HTR2C: variants seen among roughly 807,000 people sequenced by gnomAD.
HTR2C encodes the protein 5-hydroxytryptamine receptor 2C, also known as 5-hydroxytryptamine (serotonin) receptor 2C, G protein-coupled.
HTR2C carries 5 observed loss-of-function variants against 21.0 expected under a neutral mutation model. That is an observed-to-expected ratio of 0.24 (90% CI 0.12 to 0.50). The LOEUF is 0.50. HTR2C is among the 20% of genes least tolerant of loss of function. The pLI is 0.98. For synonymous variants in HTR2C, 150 were observed against 145.3 expected (o/e 1.03, Z -0.23); for missense variants, 271 against 371.2 (o/e 0.73, Z 2.22).
chrX:114,634,336 T>C lies in HTR2C; in HGVS notation c.-80+20455T>C, dbSNP rs1370215301. ...ATGATTAAAACTGGAGCAACAAACATTTTTCAGTTAACTTTATCCTTACAG... is the reference window on the plus strand; with the variant it reads ...ATGATTAAAACTGGAGCAACAAACACTTTTCAGTTAACTTTATCCTTACAG... On this transcript the variant is annotated intron_variant, in intron 2 of 5. Transcript: ENST00000276198. Among the ~76,000 whole-genome samples, 12 of 111,026 alleles carry C rather than the reference T, an allele frequency of 1.1e-4. No homozygotes were observed. In the East Asian group the frequency reaches 3.1e-3, roughly 29 times the overall value.
intron 5 of HTR2C, among the ~76,000 whole-genome samples, chrX:114,882,952 T>C (rs2147520659): frequency 9.1e-6 from 1 of 110,302 alleles, no homozygotes; most frequent in South Asian, 3.8e-4. Context: ...TTCTAATATC[T>C]TTAAATTTTT....
intron 2 of HTR2C, among the ~76,000 whole-genome samples, chrX:114,634,081 A>C (rs1556404853): frequency 9.1e-6 from 1 of 110,001 alleles, no homozygotes; most frequent in Non-Finnish European, 1.9e-5. Flanking sequence ...TCCATTACTT[A>C]TCTCAATAGA....
At chrX:114,674,803 G>A (rs1449628437) in intron 2 of HTR2C, among the ~76,000 whole-genome samples, 1 of 111,646 alleles carries the variant, frequency 9.0e-6, no homozygotes, top group Non-Finnish European at 1.9e-5. Flanking sequence ...ATTAAAAGCA[G>A]AGGCAGTTTT....
At chrX:114,694,062 A>C (rs1477209465) in intron 2 of HTR2C, among the ~76,000 whole-genome samples, 5 of 111,491 alleles carry the variant, frequency 4.5e-5, no homozygotes, top group Non-Finnish European at 3.8e-5. Context: ...GTTTTTCCTG[A>C]CAGTTTTAAG....
At chrX:114,747,560 A>G (rs1478470898) in intron 4 of HTR2C, among the ~76,000 whole-genome samples, 1 of 112,425 alleles carries the variant, frequency 8.9e-6, no homozygotes, top group African/African-American at 3.2e-5. Context: ...CCCTGCCACA[A>G]TGATCCCCTC....
intron 2 of HTR2C, among the ~76,000 whole-genome samples, chrX:114,704,504 C>T (rs1204512625): frequency 2.7e-5 from 3 of 111,751 alleles, no homozygotes; most frequent in Non-Finnish European, 5.6e-5. Context: ...TGACAAAATT[C>T]AACAACCTTC....
At chrX:114,838,108 C>G (rs1207724450) in intron 4 of HTR2C, among the ~76,000 whole-genome samples, 1 of 111,156 alleles carries the variant, frequency 9.0e-6, no homozygotes, top group East Asian at 2.8e-4. Flanking sequence ...TGGAAGAACT[C>G]TTGTTTTTTC....
At chrX:114,690,887 G>A (rs1932087828) in intron 2 of HTR2C, among the ~76,000 whole-genome samples, 1 of 111,075 alleles carries the variant, frequency 9.0e-6, no homozygotes, top group South Asian at 3.7e-4. Context: ...TTCCTTTTTT[G>A]ACACTGCATC....
rs192410651 is a variant in HTR2C at position 114,694,776 on chromosome X, G to A, written c.-79-32082G>A. 6.8e-4 allele frequency among the ~76,000 whole-genome samples: 76 copies of A among 111,108 alleles called. 1 individual carries two copies. Among genetic ancestry groups the A allele is most frequent in the Admixed American group, 5.4e-3 (56 of 10,420 alleles). ...CCCAAAGTGCTGGGATTACAGGCGT[G>A]AGCCACCATGCCTGGGCACAACAAT... On this transcript the variant is annotated intron_variant, in intron 2 of 5. Transcript: ENST00000276198.
At chrX:114,618,398 T>C (rs1364788090) in intron 2 of HTR2C, among the ~76,000 whole-genome samples, 1 of 112,425 alleles carries the variant, frequency 8.9e-6, no homozygotes, top group Non-Finnish European at 1.9e-5. Flanking sequence ...ATGTATGTTT[T>C]CTGGTTTTCA....
At chrX:114,893,791 G>A (rs2071276038) in intron 5 of HTR2C, among the ~76,000 whole-genome samples, 2 of 111,810 alleles carry the variant, frequency 1.8e-5, no homozygotes, top group South Asian at 3.7e-4. Context: ...ATATAGGCAA[G>A]ATATATCTGA....
intron 2 of HTR2C, among the ~76,000 whole-genome samples, chrX:114,633,945 T>TAGAGAGAGAGAG (rs1216290509): frequency 0.13 from 3,473 of 25,769 alleles, 69 homozygotes; most frequent in Non-Finnish European, 0.16. Flanking sequence ...TATATATATA[T>TAGAGAGAGAGAG]ATAGAGAGAG....
chrX:114,793,526 T>A (rs2070255963), intron 4 of HTR2C, among the ~76,000 whole-genome samples: 1 of 111,794 alleles, frequency 8.9e-6, no homozygotes, highest in South Asian at 3.7e-4. Flanking sequence ...CAAAGAATAA[T>A]CTTTTCATTA....
At chrX:114,603,536 G>A (rs1392217161) in intron 1 of HTR2C, among the ~76,000 whole-genome samples, 1 of 104,976 alleles carries the variant, frequency 9.5e-6, no homozygotes, top group Non-Finnish European at 1.9e-5. Context: ...AAGGTGCTGG[G>A]GTTTGAGAGA....
At chrX:114,786,569 T>C (rs1556442174) in intron 4 of HTR2C, among the ~76,000 whole-genome samples, 1 of 111,237 alleles carries the variant, frequency 9.0e-6, no homozygotes, top group East Asian at 2.9e-4. Flanking sequence ...AACCACTTAA[T>C]TGTGGCTGCA....
At chrX:114,679,390 C>T (rs1931673600) in intron 2 of HTR2C, among the ~76,000 whole-genome samples, 1 of 110,567 alleles carries the variant, frequency 9.0e-6, no homozygotes, top group Non-Finnish European at 1.9e-5. Context: ...GTGATTCTCT[C>T]GCCTCAGCCT....
chrX:114,834,514 G>C (rs1370707394), intron 4 of HTR2C, among the ~76,000 whole-genome samples: 1 of 110,839 alleles, frequency 9.0e-6, no homozygotes, highest in East Asian at 2.9e-4. Flanking sequence ...TCAGAGACTA[G>C]GATTGCAACC....
intron 2 of HTR2C, among the ~76,000 whole-genome samples, chrX:114,677,772 A>G (rs782705666): frequency 8.1e-5 from 9 of 111,385 alleles, no homozygotes; most frequent in Non-Finnish European, 1.3e-4. Flanking sequence ...GCTTCTTGCA[A>G]TTGTTTTCTG....
chrX:114,846,658 G>C (rs4542116), intron 4 of HTR2C, among the ~76,000 whole-genome samples: 1 of 110,334 alleles, frequency 9.1e-6, no homozygotes. Flanking sequence ...AAAAGAAAAT[G>C]TCCTTGACAG....
Sources: allele counts gnomAD v4.1 joint callset (sites outside exome capture counted in the v4.1 genomes callset), GRCh38; gene constraint gnomAD v4.1.1; transcripts MANE v1.5; gene names NCBI Gene and HGNC (gene_info 2026-07-23, HGNC 2026-07-21).